The following MYO10 variants were observed in gnomAD, a reference collection of about 807,000 sequenced individuals.
MYO10 encodes myosin X.
MYO10 carries 133 observed loss-of-function variants against 257.3 expected under a neutral mutation model. The observed-to-expected ratio is 0.52, with a 90% CI of 0.45 to 0.60. The LOEUF (loss-of-function observed/expected upper bound fraction) is 0.60. Among genes scored for constraint, MYO10 ranks in the 20% least tolerant of loss-of-function variants. The pLI, the probability that MYO10 is intolerant of heterozygous loss-of-function variation, is 0.00. For synonymous variants in MYO10, 1,104 were observed against 1,028.6 expected, an observed-to-expected ratio of 1.07 and a Z score of -1.40; for missense variants, 2,399 against 2,635.7, an observed-to-expected ratio of 0.91 and a Z score of 1.97.
At position 16,874,410 on chromosome 5, in the gene MYO10, C is replaced by T. The variant is rs868050078; in HGVS notation, c.120+3199G>A. Among the ~76,000 whole-genome samples, 10 of 143,336 alleles carry T rather than the reference C, an allele frequency of 7.0e-5. 1 individual carries two copies. In the South Asian group the frequency reaches 1.9e-3, roughly 27 times the overall value. 94.0% of individuals were successfully genotyped at this position (143,336 alleles called of 152,430 possible). ...TGCAAAATTTCCAAACCGTTATGCTCGCTTCCCTTATAAAACTGAATGCCT... is the reference window on the plus strand; with the variant it reads ...TGCAAAATTTCCAAACCGTTATGCTTGCTTCCCTTATAAAACTGAATGCCT... On this transcript the variant is annotated intron_variant, in intron 2 of 40. Coordinates refer to ENST00000513610, the MANE Select transcript of MYO10 (RefSeq NM_012334.3).
intron 19 of MYO10, among the ~76,000 whole-genome samples, chr5:16,734,073 A>G (rs1739690854): frequency 1.3e-5 from 2 of 151,914 alleles, no homozygotes; most frequent in Non-Finnish European, 1.5e-5. Context: ...AGACTCTTCC[A>G]CAGATTAAGC....
In MYO10 at chr5:16,766,115, C is replaced by T. The variant is rs1165077809; in HGVS notation, c.1144G>A (p.Gly382Arg). The T allele has an allele frequency of 1.9e-6, 3 of 1,613,488 alleles. No individual in the cohort carries two copies. The highest frequency in any genetic ancestry group is 2.5e-6 in the Non-Finnish European group (3 of 1,179,590). ...TTGAGAGGCGTGAGGATCTCTTCTC[C>T]CCTGAGGAACATTGATCTCTGGGTC... ...ALTQRSMFLR[G>R]EEILTPLNVQ... Residue 382 changes from glycine to arginine, a missense_variant, in exon 11 of 41, where the codon GGA (glycine) becomes AGA (arginine). Physicochemically the swap from Gly to Arg is moderately radical, Grantham distance 125. Around this residue, in one of 3 missense-constraint regions of MYO10, gnomAD observed 337 missense variants for 446.8 expected, o/e 0.75. Coordinates refer to ENST00000513610, the MANE Select transcript of MYO10 (RefSeq NM_012334.3).
In MYO10 at chr5:16,681,492, T is replaced by C; in HGVS notation, c.4201A>G (p.Lys1401Glu). ...QEFIVRGWLH[K>E]EVKNSPKMSS... ...ATCTTTGGACTGTTCTTCACCTCTT[T>C]GTGCAACCATCCTGGAAAAAAAGAT... Residue 1401 changes from lysine (K) to glutamate (E), a missense_variant, in exon 32 of 41, where the codon AAA becomes GAA. This residue lies in a region of MYO10 where 1,820 missense variants were observed against 1,939.4 expected (regional missense o/e 0.94). Coordinates refer to ENST00000513610, the MANE Select transcript of MYO10 (RefSeq NM_012334.3). 6.2e-7 allele frequency: 1 copy of C among 1,600,652 alleles called. No individual in the cohort carries two copies. The highest frequency in any genetic ancestry group is 8.5e-7 in the Non-Finnish European group (1 of 1,176,424).
intron 19 of MYO10, among the ~76,000 whole-genome samples, chr5:16,726,173 C>A (rs374606383): frequency 2.0e-5 from 3 of 152,186 alleles, no homozygotes; most frequent in Non-Finnish European, 4.4e-5. Flanking sequence ...GACAAGTTTA[C>A]GTCCAAAGTG....
At chr5:16,724,453 C>G (rs1739274565) in intron 19 of MYO10, among the ~76,000 whole-genome samples, 1 of 152,176 alleles carries the variant, frequency 6.6e-6, no homozygotes, top group Non-Finnish European at 1.5e-5. Flanking sequence ...CAGAAAATCT[C>G]AGGGTCCTGA....
chr5:16,735,641 C>T (rs1483541342), intron 19 of MYO10, among the ~76,000 whole-genome samples: 2 of 148,482 alleles, frequency 1.3e-5, no homozygotes, highest in East Asian at 2.0e-4. Flanking sequence ...TGCAGTGAGC[C>T]GAGATCCCAC....
chr5:16,766,787 T>TC (rs1479413453), intron 10 of MYO10, among the ~76,000 whole-genome samples: 1 of 148,062 alleles, frequency 6.8e-6, no homozygotes, highest in Admixed American at 6.7e-5. Context: ...TTTTTTTTTT[T>TC]GAGATGGAGT....
chr5:16,691,251 A>C (rs1016451783), intron 27 of MYO10, among the ~76,000 whole-genome samples: 116 of 149,422 alleles, frequency 7.8e-4, no homozygotes, highest in African/African-American at 2.8e-3. Flanking sequence ...ACCTGGGCGA[A>C]AGAGTGAGAC....
intron 33 of MYO10, among the ~76,000 whole-genome samples, chr5:16,678,462 C>T (rs1479047443): frequency 2.6e-5 from 4 of 152,180 alleles, no homozygotes; most frequent in Non-Finnish European, 5.9e-5. Flanking sequence ...TGCTTGTAAT[C>T]TCAGCTACTC....
At chr5:16,877,808 AT>A (rs1744650016) in intron 1 of MYO10, 101 bp from the exon 2 acceptor site, 2 of 852,136 alleles carry the variant, frequency 2.3e-6, no homozygotes, top group Non-Finnish European at 1.8e-6. Context: ...TTTAAAAAAA[AT>A]CTTCTTGAAA....
chr5:16,727,398 T>C (rs972273066), intron 19 of MYO10, among the ~76,000 whole-genome samples: 1 of 152,222 alleles, frequency 6.6e-6, no homozygotes, highest in Non-Finnish European at 1.5e-5. Flanking sequence ...ATAAATACAC[T>C]GTCAGACTAT....
At chr5:16,846,182 C>G (rs1481726162) in intron 2 of MYO10, among the ~76,000 whole-genome samples, 2 of 152,134 alleles carry the variant, frequency 1.3e-5, no homozygotes, top group African/African-American at 4.8e-5. Flanking sequence ...ACTTTGTTTT[C>G]AAAGTGAAAT....
chr5:16,719,956 C>T (rs1032403435), intron 19 of MYO10, among the ~76,000 whole-genome samples: 4 of 151,600 alleles, frequency 2.6e-5, no homozygotes, highest in African/African-American at 9.7e-5. Context: ...AAGAGTGAAA[C>T]TCGGTCCCTA....
chr5:16,821,336 C>A (rs1742802324), intron 2 of MYO10, among the ~76,000 whole-genome samples: 1 of 149,714 alleles, frequency 6.7e-6, no homozygotes. Context: ...TCATGTATAG[C>A]CCAAGTGAAC....
At chr5:16,785,624 C>A (rs1741556108) in intron 4 of MYO10, among the ~76,000 whole-genome samples, 1 of 152,166 alleles carries the variant, frequency 6.6e-6, no homozygotes, top group Non-Finnish European at 1.5e-5. Flanking sequence ...AATCCCAGCA[C>A]CATGGGAGGC....
intron 1 of MYO10, among the ~76,000 whole-genome samples, chr5:16,931,389 C>T (rs1008332396): frequency 1.1e-4 from 16 of 152,144 alleles, no homozygotes; most frequent in Non-Finnish European, 2.2e-4. Flanking sequence ...TTAAAGCCAG[C>T]TGAACTGGAA....
At chr5:16,767,413 A>G (rs1740906071) in intron 10 of MYO10, among the ~76,000 whole-genome samples, 1 of 151,748 alleles carries the variant, frequency 6.6e-6, no homozygotes. Context: ...CACGTGATCC[A>G]CCTACCTTGG....
At chr5:16,680,196 A>G in intron 32 of MYO10, 92 bp from the exon 33 acceptor site, 1 of 1,418,074 alleles carries the variant, frequency 7.1e-7, no homozygotes, top group Non-Finnish European at 9.5e-7. Context: ...CAGTCCCTTT[A>G]ATTATTCAAT....
intron 9 of MYO10, among the ~76,000 whole-genome samples, chr5:16,777,458 A>G (rs1579979384): frequency 6.6e-6 from 1 of 152,250 alleles, no homozygotes; most frequent in East Asian, 1.9e-4. Flanking sequence ...TTCATTCCAC[A>G]GACAGTTGTA....
Sources: gnomAD v4.1 joint callset for allele counts (sites outside exome capture counted in the v4.1 genomes callset) on GRCh38, gnomAD v4.1.1 for gene constraint, gnomAD v4.1.1 regional missense constraint, MANE v1.5 for transcripts, NCBI Gene and HGNC (gene_info 2026-07-23, HGNC 2026-07-21) for gene names.